GMCL2: variants seen among roughly 807,000 people sequenced by gnomAD.
GMCL2 encodes the protein germ cell-less protein-like 2.
Under a neutral mutation model 36.2 loss-of-function variants are expected in GMCL2, and 33 were observed. The observed-to-expected ratio is 0.91, with a 90% CI of 0.69 to 1.22. GMCL2 has a LOEUF of 1.22. Ranked by LOEUF, GMCL2 falls within the 50% of genes most tolerant of loss-of-function variation. The pLI is 0.00. For synonymous variants in GMCL2, 172 were observed against 184.3 expected, an observed-to-expected ratio of 0.93 and a Z score of 0.54; for missense variants, 478 against 514.5, an observed-to-expected ratio of 0.93 and a Z score of 0.69.
chr5:178,184,943 A>G lies in GMCL2; in HGVS notation c.*776T>C, dbSNP rs1756673718. On this transcript the variant is annotated 3_prime_UTR_variant, in exon 1 of 1. Transcript: ENST00000463439. ...AAGTATAATATCTGGTACATAAATA[A>G]CTCAAAAACTAATAATAAAGGTGTA... Among the ~76,000 whole-genome samples the G allele has an allele frequency of 6.6e-6, 1 of 152,206 alleles. No homozygotes were observed. Among genetic ancestry groups the G allele is most frequent in the Non-Finnish European group, 1.5e-5 (1 of 68,032 alleles).
In GMCL2 at chr5:178,186,840, C is replaced by T. The variant is rs879114279; in HGVS notation, c.460G>A (p.Asp154Asn). 1 of 1,610,738 alleles carries T rather than the reference C, an allele frequency of 6.2e-7. No homozygotes were observed. Among genetic ancestry groups the T allele is most frequent in the South Asian group, 1.1e-5 (1 of 91,014 alleles). Residue 154 changes from aspartate (D) to asparagine (N), a missense_variant, in exon 1 of 1, where the codon GAC (aspartate) becomes AAC (asparagine). Transcript: ENST00000463439. ...SMNIIELEIPDQNIDVDALQV... is the reference protein window; with the variant it reads ...SMNIIELEIPNQNIDVDALQV... ...AGTGCGTCTACATCAATGTTCTGGT[C>T]AGGAATCTCCAGTTCAATAATATTC...
rs1227533986 is a variant in GMCL2 at position 178,185,085 on chromosome 5, C to G, written c.*634G>C. Among the ~76,000 whole-genome samples the G allele has an allele frequency of 6.6e-6, 1 of 152,000 alleles. No homozygotes were observed. Among genetic ancestry groups the G allele is most frequent in the Admixed American group, 6.6e-5 (1 of 15,250 alleles). On this transcript the variant is annotated 3_prime_UTR_variant, in exon 1 of 1. Transcript: ENST00000463439. ...GCTAACTTTCATTGTTCTTAAAATC[C>G]TAGGAAAGCCAAATTTTAAAAAATA...
chr5:178,186,169 G>A lies in GMCL2; in HGVS notation c.1131C>T (p.Asp377=), dbSNP rs1353842163. 1.2e-6 allele frequency: 1 copy of A among 825,196 alleles called. No individual in the cohort carries two copies. Among genetic ancestry groups the A allele is most frequent in the Non-Finnish European group, 2.2e-6 (1 of 459,412 alleles). The allele number at this position is 825,196 out of a possible 1,614,324, so 51.1% of individuals were successfully genotyped here. ...TGATTTCTTGAGGCCCTACCTCACG[G>A]TCTTGTTCTGCCCGCAGCATAGCAA... ...QWFAMLRAEQ[D]REVGPQEINK... The change falls in exon 1 of 1, where the codon GAC becomes GAT. Residue 377 remains aspartate, a synonymous_variant. Coordinates refer to ENST00000463439, the MANE Select transcript of GMCL2 (RefSeq NM_001358008.2).
rs1346958253 is a variant in GMCL2 at position 178,185,999 on chromosome 5, T to C, written c.1301A>G (p.Asn434Ser). 2 of 768,352 alleles carry C rather than the reference T, an allele frequency of 2.6e-6. No individual in the cohort carries two copies. The highest frequency in any genetic ancestry group is 2.4e-6 in the Non-Finnish European group (1 of 411,620). The allele number at this position is 768,352 out of a possible 1,614,324, so 47.6% of individuals were successfully genotyped here. The change falls in exon 1 of 1, where the codon AAT becomes AGT. Residue 434 changes from asparagine to serine, a missense_variant. Coordinates refer to ENST00000463439, the MANE Select transcript of GMCL2 (RefSeq NM_001358008.2). Reference sequence around the variant, plus strand: ...CCCGCTGCGTGGCTGATTCAGTGTATTGCGTTTGAAAATGATGTATCCATT... The same window carrying C: ...CCCGCTGCGTGGCTGATTCAGTGTACTGCGTTTGAAAATGATGTATCCATT... ...YTNGYIIFKR[N>S]TLNQPRSGSV...
Position 178,187,264 on chromosome 5 carries a change from C to A in GMCL2, c.36G>T (p.Pro12=). The A allele has an allele frequency of 2.1e-6, 2 of 964,506 alleles. No individual in the cohort carries two copies. The highest frequency in any genetic ancestry group is 1.6e-6 in the Non-Finnish European group (1 of 623,524). 59.7% of individuals were successfully genotyped at this position (964,506 alleles called of 1,614,324 possible). A position where few individuals can be genotyped will look rare whatever the true frequency, so the allele number is the denominator to read the frequency against. Residue 12 remains proline, a synonymous_variant, in exon 1 of 1, where the codon CCG becomes CCT. Transcript: ENST00000463439. ...GTTCCTGCTGGGCAAGGGCTCGCCT[C>A]GGCTGGCCCAGCACCCGGCTGCTCG... ...GSSSSRVLGQ[P]RRALAQQEQG... is the part of the protein sequence containing the mutation.
rs749901075 is a variant in GMCL2, at chr5:178,187,187, G to A, written c.113C>T (p.Ala38Val). 10 of 1,220,008 alleles carry A rather than the reference G, an allele frequency of 8.2e-6. No individual in the cohort carries two copies. The highest frequency in any genetic ancestry group is 2.0e-5 in the Admixed American group (1 of 50,312). The allele number at this position is 1,220,008 out of a possible 1,614,324, so 75.6% of individuals were successfully genotyped here. A position where few individuals can be genotyped will look rare whatever the true frequency, so the allele number is the denominator to read the frequency against. The change falls in exon 1 of 1, where the codon GCG becomes GTG. Residue 38 changes from alanine to valine, a missense_variant. Coordinates refer to ENST00000463439, the MANE Select transcript of GMCL2 (RefSeq NM_001358008.2). Reference protein sequence around the residue: ...SARRPDTGDDAASYGFCYCPG... With the variant: ...SARRPDTGDDVASYGFCYCPG... ...GCAGTAACAGAAGCCGTAGCTCGCC[G>A]CATCGTCTCCAGTGTCCGGCCTCCG...
rs1453755915 is a variant in GMCL2 at position 178,186,469 on chromosome 5, G to A, written c.831C>T (p.Thr277=). 3 of 1,523,560 alleles carry A rather than the reference G, an allele frequency of 2.0e-6. No homozygotes were observed. In the East Asian group the frequency reaches 6.8e-5, roughly 34 times the overall value. 94.4% of individuals were successfully genotyped at this position (1,523,560 alleles called of 1,614,324 possible). A position where few individuals can be genotyped will look rare whatever the true frequency, so the allele number is the denominator to read the frequency against. ...GAAGGAACATCCACTTTTTTAGAGT[G>A]GTGTATACATCCATCTCCACTTGCA... ...FVMQVEMDVY[T]TLKKWMFLQL... is the part of the protein sequence containing the mutation. The change falls in exon 1 of 1, where the codon ACC becomes ACT. Residue 277 remains threonine (T), a synonymous_variant. Transcript: ENST00000463439.
chr5:178,186,816 G>A lies in GMCL2; in HGVS notation c.484C>T (p.Leu162=), dbSNP rs1369670800. ...TACAGTGAACCAAACGCAACCTGCA[G>A]TGCGTCTACATCAATGTTCTGGTCA... ...IPDQNIDVDA[L]QVAFGSLYRD... is the part of the protein sequence containing the mutation. Residue 162 remains leucine (L), a synonymous_variant, in exon 1 of 1, where the codon CTG becomes TTG. Transcript: ENST00000463439. 1.9e-6 allele frequency: 3 copies of A among 1,609,036 alleles called. No individual in the cohort carries two copies. Among genetic ancestry groups the A allele is most frequent in the Non-Finnish European group, 2.6e-6 (3 of 1,175,350 alleles).
In GMCL2 at chr5:178,187,113, C is replaced by G; in HGVS notation, c.187G>C (p.Asp63His). The G allele has an allele frequency of 9.2e-7, 1 of 1,084,522 alleles. No individual in the cohort carries two copies. The highest frequency in any genetic ancestry group is 1.4e-6 in the Non-Finnish European group (1 of 719,684). 67.2% of individuals were successfully genotyped at this position (1,084,522 alleles called of 1,614,324 possible). A position where few individuals can be genotyped will look rare whatever the true frequency, so the allele number is the denominator to read the frequency against. The change falls in exon 1 of 1, where the codon GAC becomes CAC. Residue 63 changes from aspartate (D) to histidine (H), a missense_variant. Around this residue, in one of 5 missense-constraint regions of GMCL2, gnomAD observed 127 missense variants for 86.4 expected, o/e 1.47. Coordinates refer to ENST00000463439, the MANE Select transcript of GMCL2 (RefSeq NM_001358008.2). Reference protein sequence around the residue: ...KRSSGACRYCDPDSHREEHEE... With the variant: ...KRSSGACRYCHPDSHREEHEE... Reference sequence around the variant, plus strand: ...TGCTCCTCCCTGTGCGAGTCCGGGTCACAGTAGCGGCAGGCCCCGCTGCTC... The same window carrying G: ...TGCTCCTCCCTGTGCGAGTCCGGGTGACAGTAGCGGCAGGCCCCGCTGCTC...
Position 178,185,947 on chromosome 5 carries a change from G to A in GMCL2, c.1353C>T (p.Ser451=). 2.6e-6 allele frequency: 2 copies of A among 768,196 alleles called. No individual in the cohort carries two copies. The highest frequency in any genetic ancestry group is 4.8e-6 in the Non-Finnish European group (2 of 412,442). The allele number at this position is 768,196 out of a possible 1,614,324, so 47.6% of individuals were successfully genotyped here. Residue 451 remains serine (S), a synonymous_variant, in exon 1 of 1, where the codon AGC becomes AGT. Transcript: ENST00000463439. Reference sequence around the variant, plus strand: ...AAGCCAAGCGTAATCTAAATGCTATGCTCCTTCGAGGCCGTAAACTGACAG... The same window carrying A: ...AAGCCAAGCGTAATCTAAATGCTATACTCCTTCGAGGCCGTAAACTGACAG... The part of the protein sequence containing the change: ...SGSVSLRPRR[S]IAFRLRLASF...
Position 178,186,088 on chromosome 5 carries a change from A to G in GMCL2, c.1212T>C (p.Asp404=). 1 of 794,302 alleles carries G rather than the reference A, an allele frequency of 1.3e-6. No homozygotes were observed. The highest frequency in any genetic ancestry group is 1.3e-5 in the South Asian group (1 of 74,952). The allele number at this position is 794,302 out of a possible 1,614,324, so 49.2% of individuals were successfully genotyped here. ...SMRCGRKLAK[D]GEYYWCWTGF... ...CCGTCCAACACCAGTAGTATTCACC[A>G]TCTTTGGCAAGCTTTCTACCACACC... Residue 404 remains aspartate (D), a synonymous_variant, in exon 1 of 1, where the codon GAT becomes GAC. Transcript: ENST00000463439.
In GMCL2 at chr5:178,185,855, T is replaced by C; in HGVS notation, c.1445A>G (p.Lys482Arg). The change falls in exon 1 of 1, where the codon AAG (lysine) becomes AGG (arginine). Residue 482 changes from lysine (K) to arginine (R), a missense_variant. Coordinates refer to ENST00000463439, the MANE Select transcript of GMCL2 (RefSeq NM_001358008.2). ...TTGYQILILK[K>R]DQEQVVMNLD... Reference sequence around the variant, plus strand: ...GTTCATCACCACTTGTTCCTGATCCTTTTTAAGTATAAGTATTTGATAGCC... The same window carrying C: ...GTTCATCACCACTTGTTCCTGATCCCTTTTAAGTATAAGTATTTGATAGCC... The C allele has an allele frequency of 1.1e-6, 1 of 888,980 alleles. No homozygotes were observed. The allele number at this position is 888,980 out of a possible 1,614,324, so 55.1% of individuals were successfully genotyped here.
At position 178,187,189 on chromosome 5, in the gene GMCL2, A is replaced by T. The variant is rs1393025365; in HGVS notation, c.111T>A (p.Asp37Glu). 5 of 1,220,190 alleles carry T rather than the reference A, an allele frequency of 4.1e-6. No homozygotes were observed. The highest frequency in any genetic ancestry group is 5.9e-6 in the Non-Finnish European group (5 of 845,484). 75.6% of individuals were successfully genotyped at this position (1,220,190 alleles called of 1,614,324 possible). A position where few individuals can be genotyped will look rare whatever the true frequency, so the allele number is the denominator to read the frequency against. ...AGTAACAGAAGCCGTAGCTCGCCGC[A>T]TCGTCTCCAGTGTCCGGCCTCCGGG... ...GSARRPDTGD[D>E]AASYGFCYCP... Residue 37 changes from aspartate to glutamate, a missense_variant, in exon 1 of 1, where the codon GAT (aspartate) becomes GAA (glutamate). Transcript: ENST00000463439.
chr5:178,185,656 G>T lies in GMCL2; in HGVS notation c.*63C>A, dbSNP rs186191453. On this transcript the variant is annotated 3_prime_UTR_variant, in exon 1 of 1. Coordinates refer to ENST00000463439, the MANE Select transcript of GMCL2 (RefSeq NM_001358008.2). Reference sequence around the variant, plus strand: ...CAACTTAGATGTGAATATCAGTAGGGCCATTAAATTAAAGCTGGCCTGAAA... The same window carrying T: ...CAACTTAGATGTGAATATCAGTAGGTCCATTAAATTAAAGCTGGCCTGAAA... 1.3e-4 allele frequency: 79 copies of T among 598,300 alleles called. No homozygotes were observed. Among genetic ancestry groups the T allele is most frequent in the Admixed American group, 2.0e-4 (8 of 39,744 alleles). 37.1% of individuals were successfully genotyped at this position (598,300 alleles called of 1,614,324 possible). A position where few individuals can be genotyped will look rare whatever the true frequency, so the allele number is the denominator to read the frequency against.
rs1269892809 is a variant in GMCL2 at position 178,185,165 on chromosome 5, G to C, written c.*554C>G. On this transcript the variant is annotated 3_prime_UTR_variant, in exon 1 of 1. Coordinates refer to ENST00000463439, the MANE Select transcript of GMCL2 (RefSeq NM_001358008.2). ...GTTTCTCAGCTTAGTCTCCAAACCA[G>C]GAAGAAAGTATTTAATGATTAAAAA... is the stretch of plus-strand genomic sequence containing the variant. 6.6e-6 allele frequency among the ~76,000 whole-genome samples: 1 copy of C among 152,054 alleles called. No homozygotes were observed. Among genetic ancestry groups the C allele is most frequent in the East Asian group, 1.9e-4 (1 of 5,192 alleles).
At position 178,185,163 on chromosome 5, in the gene GMCL2, C is replaced by G. The variant is rs1453579539; in HGVS notation, c.*556G>C. On this transcript the variant is annotated 3_prime_UTR_variant, in exon 1 of 1. Transcript: ENST00000463439. Reference sequence around the variant, plus strand: ...AAGTTTCTCAGCTTAGTCTCCAAACCAGGAAGAAAGTATTTAATGATTAAA... The same window carrying G: ...AAGTTTCTCAGCTTAGTCTCCAAACGAGGAAGAAAGTATTTAATGATTAAA... Among the ~76,000 whole-genome samples, 1 of 152,002 alleles carries G rather than the reference C, an allele frequency of 6.6e-6. No homozygotes were observed. Among genetic ancestry groups the G allele is most frequent in the Non-Finnish European group, 1.5e-5 (1 of 67,978 alleles).
chr5:178,185,918 AAAG>A lies in GMCL2; in HGVS notation c.1379_1381del (p.Ser460del). ...ACATACTAGTTTTCCACTACTATCA[AAAG>A]AAGCCAAGCGTAATCTAAATGCTAT... On this transcript the variant is annotated inframe_deletion, in exon 1 of 1. Transcript: ENST00000463439. 2 of 774,582 alleles carry A rather than the reference AAAG, an allele frequency of 2.6e-6. No individual in the cohort carries two copies. The highest frequency in any genetic ancestry group is 2.7e-5 in the South Asian group (2 of 74,662). 48.0% of individuals were successfully genotyped at this position (774,582 alleles called of 1,614,324 possible).
Position 178,186,013 on chromosome 5 carries a change from G to C in GMCL2, c.1287C>G (p.Ile429Met). Residue 429 changes from isoleucine to methionine, a missense_variant, in exon 1 of 1, where the codon ATC becomes ATG. Around this residue, in one of 5 missense-constraint regions of GMCL2, gnomAD observed 135 missense variants for 119.0 expected, o/e 1.13. Coordinates refer to ENST00000463439, the MANE Select transcript of GMCL2 (RefSeq NM_001358008.2). ...DLLVIYTNGY[I>M]IFKRNTLNQP... ...GATTCAGTGTATTGCGTTTGAAAAT[G>C]ATGTATCCATTGGTGTAAATTACAA... 1 of 768,786 alleles carries C rather than the reference G, an allele frequency of 1.3e-6. No individual in the cohort carries two copies. The highest frequency in any genetic ancestry group is 2.4e-6 in the Non-Finnish European group (1 of 411,664). The allele number at this position is 768,786 out of a possible 1,614,324, so 47.6% of individuals were successfully genotyped here. A position where few individuals can be genotyped will look rare whatever the true frequency, so the allele number is the denominator to read the frequency against.
rs1343704136 is a variant in GMCL2, at chr5:178,185,304, TC to T, written c.*414del. ...TCAAAAGAGCATTTCTAATTGGCCA[TC>T]CAAATTATTCTTTTAGATTATTTTA... On this transcript the variant is annotated 3_prime_UTR_variant, in exon 1 of 1. Coordinates refer to ENST00000463439, the MANE Select transcript of GMCL2 (RefSeq NM_001358008.2). 6.6e-6 allele frequency among the ~76,000 whole-genome samples: 1 copy of T among 152,226 alleles called. No homozygotes were observed.
Sources: allele counts gnomAD v4.1 joint callset (sites outside exome capture counted in the v4.1 genomes callset), GRCh38; gene constraint gnomAD v4.1.1; regional missense constraint gnomAD v4.1.1; transcripts MANE v1.5; gene names NCBI Gene and HGNC (gene_info 2026-07-23, HGNC 2026-07-21).